Variants in GPR158 observed in about 807,000 individuals in gnomAD.
The protein encoded by GPR158 is G protein-coupled receptor 158.
In GPR158, 30 loss-of-function variants were observed where a neutral mutation model predicts 78.2. The ratio of observed to expected loss-of-function variants is 0.38; its 90% CI spans 0.29 to 0.52. The LOEUF (loss-of-function observed/expected upper bound fraction) is 0.52, where lower values mean the gene tolerates loss of function less well. GPR158 is among the 20% of genes least tolerant of loss of function. GPR158 has a pLI of 0.83. For synonymous variants in GPR158, 581 were observed against 591.1 expected, an observed-to-expected ratio of 0.98 and a Z score of 0.25; for missense variants, 1,463 against 1,523.5, an observed-to-expected ratio of 0.96 and a Z score of 0.66.
rs1837472068 is a variant in GPR158 at position 25,600,015 on chromosome 10, T to C, written c.*741T>C. 2 of 152,672 alleles carry C rather than the reference T, an allele frequency of 1.3e-5. No individual in the cohort carries two copies. Among genetic ancestry groups the C allele is most frequent in the African/African-American group, 2.4e-5 (1 of 41,456 alleles). The allele number at this position is 152,672 out of a possible 1,614,324, so 9.5% of individuals were successfully genotyped here. On this transcript the variant is annotated 3_prime_UTR_variant, in exon 11 of 11. Coordinates refer to ENST00000376351, the MANE Select transcript of GPR158 (RefSeq NM_020752.3). The stretch of plus-strand genomic sequence containing the variant: ...AACTGTTACTATAAAAACTTTTAGT[T>C]TTGGCTGTGGTTTATATATTGTGAC...
intron 5 of GPR158, among the ~76,000 whole-genome samples, chr10:25,479,218 T>A (rs976153914): frequency 6.6e-6 from 1 of 152,156 alleles, no homozygotes; most frequent in Non-Finnish European, 1.5e-5. Context: ...TTAAAAAAAA[T>A]TGTAATACAT....
At chr10:25,335,792 A>G (rs531793592) in intron 2 of GPR158, among the ~76,000 whole-genome samples, 3 of 152,196 alleles carry the variant, frequency 2.0e-5, no homozygotes, top group African/African-American at 4.8e-5. Flanking sequence ...GATATGCACC[A>G]TATTATATTA....
chr10:25,414,194 T>C (rs763153416), intron 4 of GPR158, among the ~76,000 whole-genome samples: 164 of 152,300 alleles, frequency 1.1e-3, no homozygotes, highest in Non-Finnish European at 6.9e-4. Flanking sequence ...ACATTGGATA[T>C]TTAGAAACCT....
intron 2 of GPR158, among the ~76,000 whole-genome samples, chr10:25,367,998 A>G (rs1833917762): frequency 6.6e-6 from 1 of 151,858 alleles, no homozygotes; most frequent in Admixed American, 6.6e-5. Context: ...TGGAAACTTC[A>G]AGTGCCAGAG....
At chr10:25,418,133 T>G (rs1423622059) in intron 4 of GPR158, among the ~76,000 whole-genome samples, 2 of 152,166 alleles carry the variant, frequency 1.3e-5, no homozygotes, top group African/African-American at 2.4e-5. Flanking sequence ...TGTTCTCAAA[T>G]GAAATATTAG....
rs145413074 is a variant in GPR158 at position 25,198,980 on chromosome 10, C to A, written c.903-22072C>A. 5.1e-4 allele frequency among the ~76,000 whole-genome samples: 65 copies of A among 127,230 alleles called. 6 individuals are homozygous for A. The highest frequency in any genetic ancestry group is 4.4e-3 in the East Asian group (15 of 3,442). The allele number at this position is 127,230 out of a possible 152,430, so 83.5% of individuals were successfully genotyped here. Reference sequence around the variant, plus strand: ...ATCCTTGTTATTTGCTATAAGAGAGCATGTTAAAATATTTCTAATCAGGTT... The same window carrying A: ...ATCCTTGTTATTTGCTATAAGAGAGAATGTTAAAATATTTCTAATCAGGTT... On this transcript the variant is annotated intron_variant, in intron 1 of 10. Coordinates refer to ENST00000376351, the MANE Select transcript of GPR158 (RefSeq NM_020752.3).
intron 5 of GPR158, among the ~76,000 whole-genome samples, chr10:25,481,376 A>G (rs1000092197): frequency 1.3e-5 from 2 of 152,160 alleles, no homozygotes; most frequent in Non-Finnish European, 2.9e-5. Context: ...AGAGTCGAGT[A>G]TATGTCCCAA....
intron 2 of GPR158, among the ~76,000 whole-genome samples, chr10:25,341,102 T>C (rs1045416644): frequency 6.6e-6 from 1 of 152,036 alleles, no homozygotes; most frequent in Non-Finnish European, 1.5e-5. Flanking sequence ...TTGAATGTTA[T>C]ATCTTTCATA....
At chr10:25,376,949 T>A (rs1834088915) in intron 2 of GPR158, among the ~76,000 whole-genome samples, 1 of 151,638 alleles carries the variant, frequency 6.6e-6, no homozygotes, top group Non-Finnish European at 1.5e-5. Context: ...TTTTTTAAAC[T>A]ACCAGCTCTA....
Position 25,352,071 on chromosome 10 carries a change from G to A in GPR158, c.1009-43840G>A, listed in dbSNP as rs187863168. Among the ~76,000 whole-genome samples the A allele has an allele frequency of 1.1e-4, 17 of 152,046 alleles. No homozygotes were observed. The East Asian group carries it at 2.9e-3, about 26-fold the overall frequency. On this transcript the variant is annotated intron_variant, in intron 2 of 10. Transcript: ENST00000376351. ...TTATCCCCTCCCAGTTCTGGCCCTT[G>A]CATCAGAAACCCCTGCAACCTCCCA...
At chr10:25,178,598 A>G (rs958170553) in intron 1 of GPR158, among the ~76,000 whole-genome samples, 88 of 152,206 alleles carry the variant, frequency 5.8e-4, no homozygotes, top group African/African-American at 2.0e-3. Context: ...TTTATAGACA[A>G]AGATGGTATT....
chr10:25,538,575 C>T (rs992093834), intron 5 of GPR158, among the ~76,000 whole-genome samples: 1 of 152,082 alleles, frequency 6.6e-6, no homozygotes, highest in African/African-American at 2.4e-5. Flanking sequence ...ACATTATAGC[C>T]TCGAACTCCT....
intron 5 of GPR158, among the ~76,000 whole-genome samples, chr10:25,502,109 G>C (rs1835951592): frequency 6.6e-6 from 1 of 152,142 alleles, no homozygotes; most frequent in African/African-American, 2.4e-5. Flanking sequence ...CCTGCTTCTT[G>C]AGATGAAACA....
intron 2 of GPR158, among the ~76,000 whole-genome samples, chr10:25,248,266 T>C (rs1853731362): frequency 6.6e-6 from 1 of 152,120 alleles, no homozygotes; most frequent in South Asian, 2.1e-4. Flanking sequence ...TTTTGTAGGT[T>C]GCCTATTCAC....
At chr10:25,285,575 A>T (rs75782956) in intron 2 of GPR158, among the ~76,000 whole-genome samples, 1,699 of 152,216 alleles carry the variant, frequency 0.011, 28 homozygotes, top group African/African-American at 0.037. Flanking sequence ...AGTGTATTCC[A>T]GTTTCTGCAG....
intron 2 of GPR158, among the ~76,000 whole-genome samples, chr10:25,251,233 A>G (rs939873722): frequency 6.6e-6 from 1 of 152,154 alleles, no homozygotes; most frequent in African/African-American, 2.4e-5. Context: ...GGTCTCCTGA[A>G]TACAGCACAC....
At chr10:25,342,948 T>C (rs892231563) in intron 2 of GPR158, among the ~76,000 whole-genome samples, 1 of 151,842 alleles carries the variant, frequency 6.6e-6, no homozygotes, top group African/African-American at 2.4e-5. Flanking sequence ...TCCAGCTTTT[T>C]TTCACCTAAG....
intron 1 of GPR158, among the ~76,000 whole-genome samples, chr10:25,214,161 A>T (rs947391233): frequency 1.3e-5 from 2 of 151,792 alleles, no homozygotes; most frequent in Non-Finnish European, 2.9e-5. Flanking sequence ...CGCCCCGCTA[A>T]TTTTTTGTAT....
chr10:25,467,361 G>C (rs568817008), intron 5 of GPR158, among the ~76,000 whole-genome samples: 1 of 152,140 alleles, frequency 6.6e-6, no homozygotes, highest in Admixed American at 6.5e-5. Flanking sequence ...TAGCCACTCA[G>C]TATCTTCAGG....
Sources: allele counts gnomAD v4.1 joint callset (sites outside exome capture counted in the v4.1 genomes callset), GRCh38; gene constraint gnomAD v4.1.1; transcripts MANE v1.5; gene names NCBI Gene and HGNC (gene_info 2026-07-23, HGNC 2026-07-21).